The following FSTL4 variants were observed in gnomAD, a reference collection of about 807,000 sequenced individuals.
FSTL4 encodes follistatin like 4, also known as follistatin-related protein 4.
FSTL4 carries 28 observed loss-of-function variants against 78.2 expected under a neutral mutation model. The observed-to-expected ratio is 0.36, with a 90% CI of 0.27 to 0.49. FSTL4 has a LOEUF of 0.49. Ranked by LOEUF, FSTL4 falls within the 20% of genes least tolerant of loss-of-function variation. The probability of loss-of-function intolerance (pLI) is 0.98; values close to 1 mark genes in which losing one functional copy is unlikely to be tolerated. For synonymous variants in FSTL4, 422 were observed against 440.5 expected, an observed-to-expected ratio of 0.96 and a Z score of 0.53; for missense variants, 922 against 1,084.9, an observed-to-expected ratio of 0.85 and a Z score of 2.11.
At chr5:133,686,679 A>G in the FSTL4 span, among the ~76,000 whole-genome samples, 325 of 152,348 alleles carry the variant, frequency 2.1e-3, 1 homozygote, top group African/African-American at 7.5e-3. Flanking sequence ...TCACATACAA[A>G]GGGACTTCAG....
intron 4 of FSTL4, among the ~76,000 whole-genome samples, chr5:133,346,031 G>C (rs1163265321): frequency 1.3e-5 from 2 of 152,156 alleles, no homozygotes; most frequent in African/African-American, 4.8e-5. Context: ...AGGAAATGTG[G>C]CACATACACA....
the FSTL4 span, among the ~76,000 whole-genome samples, chr5:133,643,352 A>G: frequency 4.9e-4 from 75 of 152,334 alleles, no homozygotes; most frequent in South Asian, 0.016. Flanking sequence ...ATAATCATCA[A>G]AAACCCTATA....
At chr5:133,424,127 A>C (rs1033565059) in intron 3 of FSTL4, among the ~76,000 whole-genome samples, 1 of 152,230 alleles carries the variant, frequency 6.6e-6, no homozygotes, top group Non-Finnish European at 1.5e-5. Context: ...CCTGTCCCCA[A>C]GATTTCAGGG....
the FSTL4 span, among the ~76,000 whole-genome samples, chr5:133,656,211 A>T: frequency 6.6e-6 from 1 of 151,980 alleles, no homozygotes; most frequent in Non-Finnish European, 1.5e-5. Context: ...GCCAACAAGG[A>T]CTGTGTTGTC....
chr5:133,822,023 C>T, the FSTL4 span, among the ~76,000 whole-genome samples: 1 of 152,204 alleles, frequency 6.6e-6, no homozygotes, highest in African/African-American at 2.4e-5. Context: ...ACCTCCTGCA[C>T]TTCTTGAGTG....
intron 13 of FSTL4, among the ~76,000 whole-genome samples, chr5:133,216,313 C>CA (rs1461076149): frequency 1.3e-5 from 2 of 152,162 alleles, no homozygotes; most frequent in African/African-American, 4.8e-5. Flanking sequence ...TCTTTTGAGA[C>CA]AGAGTGTTGC....
At chr5:133,809,117 G>A in the FSTL4 span, among the ~76,000 whole-genome samples, 41 of 152,072 alleles carry the variant, frequency 2.7e-4, 2 homozygotes, top group South Asian at 8.1e-3. Context: ...TGTAATCCTA[G>A]CATCTTGGGA....
intron 3 of FSTL4, among the ~76,000 whole-genome samples, chr5:133,477,002 C>A (rs574959572): frequency 6.6e-6 from 1 of 152,214 alleles, no homozygotes; most frequent in African/African-American, 2.4e-5. Flanking sequence ...GCACACAGTA[C>A]GTCCTCAGTA....
rs568969662 is a variant in FSTL4 at position 133,275,196 on chromosome 5, G to A, written c.728-25620C>T. Among the ~76,000 whole-genome samples the A allele has an allele frequency of 2.0e-5, 3 of 152,116 alleles. No homozygotes were observed. The South Asian group carries it at 6.2e-4, about 32-fold the overall frequency. ...GGAGAATCACTTGAACCCATGAAGTGGAGGTTGCAATGAGCTGAGATTGCA... is the reference window on the plus strand; with the variant it reads ...GGAGAATCACTTGAACCCATGAAGTAGAGGTTGCAATGAGCTGAGATTGCA... On this transcript the variant is annotated intron_variant, in intron 6 of 15. Coordinates refer to ENST00000265342, the MANE Select transcript of FSTL4 (RefSeq NM_015082.2).
the FSTL4 span, among the ~76,000 whole-genome samples, chr5:133,790,938 A>G: frequency 6.6e-6 from 1 of 152,012 alleles, no homozygotes; most frequent in Non-Finnish European, 1.5e-5. Flanking sequence ...TACACACACA[A>G]AATAATACTT....
At chr5:133,213,680 A>G (rs1750816267) in intron 13 of FSTL4, among the ~76,000 whole-genome samples, 1 of 152,232 alleles carries the variant, frequency 6.6e-6, no homozygotes, top group Non-Finnish European at 1.5e-5. Flanking sequence ...CAAATCCACA[A>G]GAAAGCAAAA....
At chr5:133,633,719 C>T in the FSTL4 span, among the ~76,000 whole-genome samples, 1 of 152,294 alleles carries the variant, frequency 6.6e-6, no homozygotes, top group South Asian at 2.1e-4. Context: ...TGTTCTGAAA[C>T]TCTGGATCTT....
chr5:133,805,008 C>T, the FSTL4 span, among the ~76,000 whole-genome samples: 4 of 151,526 alleles, frequency 2.6e-5, no homozygotes, highest in Admixed American at 2.0e-4. Context: ...CTCAGGCAAC[C>T]TTCTCCTAAT....
Position 133,210,302 on chromosome 5 carries a change from G to A in FSTL4, c.1609-4C>T. 6.6e-7 allele frequency: 1 copy of A among 1,525,802 alleles called. No homozygotes were observed. The highest frequency in any genetic ancestry group is 9.1e-7 in the Non-Finnish European group (1 of 1,101,236). The allele number at this position is 1,525,802 out of a possible 1,614,324, so 94.5% of individuals were successfully genotyped here. A position where few individuals can be genotyped will look rare whatever the true frequency, so the allele number is the denominator to read the frequency against. ...GCAGAGGGTCCACACCTATGGACTTGAAAAAAAATAGTGACATGTTGTGAA... is the reference window on the plus strand; with the variant it reads ...GCAGAGGGTCCACACCTATGGACTTAAAAAAAAATAGTGACATGTTGTGAA... On this transcript the variant is annotated splice_polypyrimidine_tract_variant and splice_region_variant and intron_variant, in intron 13 of 15. Transcript: ENST00000265342.
intron 1 of FSTL4, among the ~76,000 whole-genome samples, chr5:133,607,023 T>C (rs1760991945): frequency 6.6e-6 from 1 of 152,206 alleles, no homozygotes; most frequent in Admixed American, 6.5e-5. Flanking sequence ...TTATCTGGTT[T>C]GTGTTTATAT....
intron 15 of FSTL4, among the ~76,000 whole-genome samples, chr5:133,201,209 G>T (rs576002714): frequency 2.6e-5 from 4 of 152,366 alleles, no homozygotes; most frequent in South Asian, 4.1e-4. Context: ...TTAGAGACAG[G>T]CTTGGTCGTC....
chr5:133,657,298 C>G, the FSTL4 span, among the ~76,000 whole-genome samples: 245 of 152,270 alleles, frequency 1.6e-3, 3 homozygotes, highest in African/African-American at 5.6e-3. Context: ...GACTTAGAAA[C>G]ACGGTGGAGA....
chr5:133,431,926 A>G (rs1386780467), intron 3 of FSTL4, among the ~76,000 whole-genome samples: 1 of 152,204 alleles, frequency 6.6e-6, no homozygotes, highest in Non-Finnish European at 1.5e-5. Context: ...TGCAAGATAC[A>G]TTGGAACCAT....
chr5:133,281,233 A>G (rs1441409240), intron 6 of FSTL4, among the ~76,000 whole-genome samples: 1 of 152,130 alleles, frequency 6.6e-6, no homozygotes, highest in Non-Finnish European at 1.5e-5. Flanking sequence ...TGTGATCTGC[A>G]TTAATGGCCT....
Sources: allele counts gnomAD v4.1 joint callset (sites outside exome capture counted in the v4.1 genomes callset), GRCh38; gene constraint gnomAD v4.1.1; transcripts MANE v1.5; gene names NCBI Gene and HGNC (gene_info 2026-07-23, HGNC 2026-07-21).